Variants in DAB1 observed in about 807,000 individuals in gnomAD.
DAB1 encodes DAB adaptor protein 1.
In DAB1, 15 loss-of-function variants were observed where a neutral mutation model predicts 64.6. The ratio of observed to expected loss-of-function variants is 0.23; its 90% CI spans 0.16 to 0.36. DAB1 has a LOEUF of 0.36. Ranked by LOEUF, DAB1 falls within the 10% of genes least tolerant of loss-of-function variation. DAB1 has a pLI of 1.00. For synonymous variants in DAB1, 235 were observed against 251.9 expected (o/e 0.93, Z 0.64); for missense variants, 596 against 706.7 (o/e 0.84, Z 1.78).
intron 6 of DAB1, among the ~76,000 whole-genome samples, chr1:57,696,057 T>G (rs1186404002): frequency 6.6e-6 from 1 of 152,238 alleles, no homozygotes; most frequent in Non-Finnish European, 1.5e-5. Context: ...AATTTTGGAC[T>G]GTGTACTCAG....
In DAB1 at chr1:57,613,071, T is replaced by C. The variant is rs144484704; in HGVS notation, n.625+36521A>G. ...AAGGAAGTAGCATACATTTGTCAAA[T>C]TGAATGATCTGGAAATAGTTGATAA... On this transcript the variant is annotated intron_variant and non_coding_transcript_variant, in intron 7 of 20. Coordinates refer to the DAB1 transcript ENST00000485760. 2.3e-3 allele frequency among the ~76,000 whole-genome samples: 349 copies of C among 152,310 alleles called. 1 individual carries two copies. The highest frequency in any genetic ancestry group is 7.5e-3 in the African/African-American group (313 of 41,554).
intron 6 of DAB1, among the ~76,000 whole-genome samples, chr1:57,650,254 C>T (rs1377409660): frequency 1.3e-5 from 2 of 152,170 alleles, no homozygotes; most frequent in African/African-American, 2.4e-5. Context: ...ACGTGATCCT[C>T]CTGCCTCAGT....
intron 3 of DAB1, among the ~76,000 whole-genome samples, chr1:58,504,958 TTC>T (rs1491173541): frequency 6.6e-6 from 1 of 152,106 alleles, no homozygotes; most frequent in Non-Finnish European, 1.5e-5. Flanking sequence ...TGAAAGATAC[TTC>T]TTTTTTTTTT....
At position 58,518,266 on chromosome 1, in the gene DAB1, GAGAGAGGAGAGGAGA is replaced by G. The variant is rs1184508404; in HGVS notation, n.107+8980_107+8994del. Among the ~76,000 whole-genome samples the G allele has an allele frequency of 2.9e-4, 4 of 13,668 alleles. 1 individual carries two copies. Among genetic ancestry groups the G allele is most frequent in the Non-Finnish European group, 6.3e-4 (4 of 6,372 alleles). The allele number at this position is 13,668 out of a possible 152,430, so 9.0% of individuals were successfully genotyped here. ...AGAGGGGAGAGGGGAGAGGGGAGAG[GAGAGAGGAGAGGAGA>G]AGAGAAGAGAAGAGAAGAGAAGAGA... On this transcript the variant is annotated intron_variant and non_coding_transcript_variant, in intron 2 of 20. Transcript: ENST00000485760.
intron 7 of DAB1, among the ~76,000 whole-genome samples, chr1:57,649,329 G>A (rs1336701548): frequency 6.6e-6 from 1 of 152,126 alleles, no homozygotes; most frequent in African/African-American, 2.4e-5. Flanking sequence ...TAAGGATCCT[G>A]ATGACATTTT....
At chr1:57,010,085 AG>A (rs1646217932) in intron 14 of DAB1, among the ~76,000 whole-genome samples, 1 of 152,158 alleles carries the variant, frequency 6.6e-6, no homozygotes, top group Non-Finnish European at 1.5e-5. Context: ...TCTTATTTCA[AG>A]CACTGCTTGT....
At chr1:58,151,276 C>G (rs975550143) in intron 4 of DAB1, among the ~76,000 whole-genome samples, 1 of 152,226 alleles carries the variant, frequency 6.6e-6, no homozygotes, top group African/African-American at 2.4e-5. Flanking sequence ...ACACTGTCTT[C>G]CATAATGGTT....
chr1:58,151,662 G>A (rs139622678), intron 4 of DAB1, among the ~76,000 whole-genome samples: 1,582 of 152,264 alleles, frequency 0.01, 14 homozygotes, highest in Middle Eastern at 0.02. Flanking sequence ...TGCCTTACAG[G>A]CTCATTCATT....
rs753307405 is a variant in DAB1 at position 57,732,421 on chromosome 1, C to T, written n.552-82756G>A. The stretch of plus-strand genomic sequence containing the variant: ...TCAGGATCAGAGCAGCCTGAGCAGG[C>T]GGAGAGAGGCTCATCAGTGTTGAGA... On this transcript the variant is annotated intron_variant and non_coding_transcript_variant, in intron 6 of 20. Transcript: ENST00000485760. Among the ~76,000 whole-genome samples the T allele has an allele frequency of 4.6e-5, 7 of 152,212 alleles. No individual in the cohort carries two copies. The East Asian group carries it at 5.8e-4, about 13-fold the overall frequency.
chr1:58,452,358 C>T (rs934733781), intron 3 of DAB1, among the ~76,000 whole-genome samples: 2 of 151,374 alleles, frequency 1.3e-5, no homozygotes, highest in Non-Finnish European at 1.5e-5. Context: ...ATTAAAATCA[C>T]AATGAGATAG....
At chr1:57,339,448 C>T (rs750983913) in intron 1 of DAB1, among the ~76,000 whole-genome samples, 1 of 152,146 alleles carries the variant, frequency 6.6e-6, no homozygotes, top group South Asian at 2.1e-4. Flanking sequence ...GAGCACTGTG[C>T]CTGGCCGGCT....
chr1:57,008,352 A>G (rs190207761), intron 14 of DAB1, among the ~76,000 whole-genome samples: 69 of 152,320 alleles, frequency 4.5e-4, no homozygotes, highest in Middle Eastern at 6.8e-3. Context: ...GGTCTTATAC[A>G]TGAAAGCTAA....
At chr1:58,205,896 C>T (rs930337848) in intron 4 of DAB1, among the ~76,000 whole-genome samples, 2 of 152,172 alleles carry the variant, frequency 1.3e-5, no homozygotes, top group African/African-American at 4.8e-5. Flanking sequence ...TGAGGGAACC[C>T]AGTTAGTCAA....
chr1:57,824,188 A>C (rs2101898037), downstream of DAB1, among the ~76,000 whole-genome samples: 1 of 152,302 alleles, frequency 6.6e-6, no homozygotes, highest in East Asian at 1.9e-4. Context: ...GTCAAAAATC[A>C]CACAGCCAGT....
At chr1:57,204,214 C>T (rs1665349543) in intron 2 of DAB1, among the ~76,000 whole-genome samples, 1 of 151,992 alleles carries the variant, frequency 6.6e-6, no homozygotes, top group Admixed American at 6.6e-5. Context: ...TTAAAAAATG[C>T]CAGCAGATTT....
chr1:58,286,425 G>C (rs559461328), intron 4 of DAB1, among the ~76,000 whole-genome samples: 1 of 151,982 alleles, frequency 6.6e-6, no homozygotes, highest in Non-Finnish European at 1.5e-5. Flanking sequence ...ATCTGACAAA[G>C]GTCTAATATC....
At chr1:57,436,187 G>C (rs1256565824) in intron 7 of DAB1, among the ~76,000 whole-genome samples, 1 of 152,100 alleles carries the variant, frequency 6.6e-6, no homozygotes, top group Non-Finnish European at 1.5e-5. Context: ...AAAGTGTTGG[G>C]ATTACAGGCG....
intron 7 of DAB1, among the ~76,000 whole-genome samples, chr1:57,580,125 A>C (rs976622987): frequency 6.9e-6 from 1 of 144,430 alleles, no homozygotes; most frequent in Admixed American, 6.8e-5. Context: ...TGGGGTGGTT[A>C]GGGTGGGTGG....
intron 5 of DAB1, chr1:58,080,263 T>C (rs1269514045): frequency 6.6e-6 from 1 of 152,194 alleles, no homozygotes; most frequent in Admixed American, 6.5e-5. Context: ...TCAATAACAC[T>C]TTATGACTTA....
Sources: gnomAD v4.1 joint callset for allele counts (sites outside exome capture counted in the v4.1 genomes callset) on GRCh38, gnomAD v4.1.1 for gene constraint, MANE v1.5 for transcripts, NCBI Gene and HGNC (gene_info 2026-07-23, HGNC 2026-07-21) for gene names.